The following CADPS variants were observed in gnomAD, a reference collection of about 807,000 sequenced individuals.
CADPS encodes the protein calcium dependent secretion activator.
Under a neutral mutation model 167.3 loss-of-function variants are expected in CADPS, and 57 were observed. The ratio of observed to expected loss-of-function variants is 0.34; its 90% CI spans 0.28 to 0.42. The LOEUF (loss-of-function observed/expected upper bound fraction) is 0.42, where lower values mean the gene tolerates loss of function less well. CADPS is among the 20% of genes least tolerant of loss of function. The probability of loss-of-function intolerance (pLI) is 1.00; values close to 1 mark genes in which losing one functional copy is unlikely to be tolerated. For missense variants in CADPS, 1,414 were observed against 1,738.1 expected (o/e 0.81, Z 3.32); for synonymous variants, 676 against 635.3 (o/e 1.06, Z -0.96).
Position 62,399,774 on chromosome 3 carries a change from A to C in CADPS, c.3883-189T>G, listed in dbSNP as rs1373610097. On this transcript the variant is annotated intron_variant, in intron 29 of 29. Coordinates refer to ENST00000383710, the MANE Select transcript of CADPS (RefSeq NM_003716.4). The surrounding 1 kb of genome is among the most constrained non-coding windows in gnomAD (Gnocchi z 5.6). Reference sequence around the variant, plus strand: ...AAAACTGAGATCCTTTGAATGACAGAAAATGAGAAATAGTGACAGGATAAA... The same window carrying C: ...AAAACTGAGATCCTTTGAATGACAGCAAATGAGAAATAGTGACAGGATAAA... 6.6e-6 allele frequency among the ~76,000 whole-genome samples: 1 copy of C among 152,236 alleles called. No homozygotes were observed. Among genetic ancestry groups the C allele is most frequent in the African/African-American group, 2.4e-5 (1 of 41,468 alleles).
At chr3:62,560,217 T>G (rs937161116) in intron 9 of CADPS, among the ~76,000 whole-genome samples, 1 of 152,200 alleles carries the variant, frequency 6.6e-6, no homozygotes, top group African/African-American at 2.4e-5. Context: ...ATTGGAAATT[T>G]TGGGGGGAAT....
chr3:62,447,717 C>A (rs1169051727), intron 26 of CADPS, among the ~76,000 whole-genome samples: 2 of 152,164 alleles, frequency 1.3e-5, no homozygotes, highest in Non-Finnish European at 2.9e-5. Flanking sequence ...TGACTGCCTG[C>A]AGAGGCTGGT....
At chr3:62,648,459 AT>A (rs1380849359) in intron 5 of CADPS, among the ~76,000 whole-genome samples, 2 of 152,026 alleles carry the variant, frequency 1.3e-5, no homozygotes, top group East Asian at 3.9e-4. Context: ...AGGTGGATAG[AT>A]GGCATGAGTC....
chr3:62,787,219 C>T (rs1349798884), intron 1 of CADPS, among the ~76,000 whole-genome samples: 1 of 152,038 alleles, frequency 6.6e-6, no homozygotes, highest in African/African-American at 2.4e-5. Flanking sequence ...CACTTGAGTC[C>T]AGGAGGCGGA....
At chr3:62,575,584 A>T (rs1162084042) in intron 8 of CADPS, among the ~76,000 whole-genome samples, 2 of 152,214 alleles carry the variant, frequency 1.3e-5, no homozygotes, top group Non-Finnish European at 2.9e-5. Flanking sequence ...CCTATTTTAC[A>T]GTTGAGGGAG....
At chr3:62,531,555 T>C (rs887958204) in intron 13 of CADPS, among the ~76,000 whole-genome samples, 7 of 152,334 alleles carry the variant, frequency 4.6e-5, no homozygotes, top group African/African-American at 1.7e-4. Flanking sequence ...AGATTTTAGT[T>C]GTATAGCTTG....
chr3:62,599,286 C>T (rs2059345161), intron 6 of CADPS, among the ~76,000 whole-genome samples: 1 of 151,596 alleles, frequency 6.6e-6, no homozygotes, highest in South Asian at 2.1e-4. Context: ...TGTACTCACA[C>T]TGTATGACTA....
chr3:62,528,166 A>G (rs1487657154), intron 13 of CADPS, among the ~76,000 whole-genome samples: 1 of 152,034 alleles, frequency 6.6e-6, no homozygotes, highest in East Asian at 1.9e-4. Flanking sequence ...CAGGTTTGCC[A>G]TCTCACACCA....
At chr3:62,436,621 T>C (rs2055115539) in intron 28 of CADPS, among the ~76,000 whole-genome samples, 1 of 152,240 alleles carries the variant, frequency 6.6e-6, no homozygotes, top group Non-Finnish European at 1.5e-5. Flanking sequence ...TGGTGAGCTT[T>C]ATGCATGTAT....
intron 1 of CADPS, among the ~76,000 whole-genome samples, chr3:62,819,407 C>CGTGTGTGTGTGTGTGTGT (rs3047244): frequency 6.9e-6 from 1 of 143,986 alleles, no homozygotes; most frequent in Non-Finnish European, 1.5e-5. Flanking sequence ...AATCTGTGTG[C>CGTGTGTGTGTGTGTGTGT]GTGTGTGTGT....
At chr3:62,536,401 A>C in intron 12 of CADPS, 44 bp downstream of exon 12, 1 of 1,554,892 alleles carries the variant, frequency 6.4e-7, no homozygotes, top group East Asian at 2.3e-5. Context: ...TAAATGAAAA[A>C]AAATGTTATG....
intron 1 of CADPS, among the ~76,000 whole-genome samples, chr3:62,845,815 C>T (rs979275453): frequency 1.3e-5 from 2 of 152,154 alleles, no homozygotes; most frequent in African/African-American, 4.8e-5. Context: ...CCCCATTTGA[C>T]ATGTGGCATG....
intron 3 of CADPS, among the ~76,000 whole-genome samples, chr3:62,723,186 G>A (rs1047425079): frequency 2.0e-5 from 3 of 152,188 alleles, no homozygotes; most frequent in African/African-American, 7.2e-5. Flanking sequence ...AAAGTACAGT[G>A]CCTTTAGCTA....
intron 26 of CADPS, among the ~76,000 whole-genome samples, chr3:62,457,851 C>T (rs948399556): frequency 9.2e-5 from 14 of 152,074 alleles, no homozygotes; most frequent in Non-Finnish European, 1.9e-4. Flanking sequence ...AACCAAACAC[C>T]GCGTTTTCTC....
chr3:62,840,849 A>T (rs2076554593), intron 1 of CADPS, among the ~76,000 whole-genome samples: 1 of 152,206 alleles, frequency 6.6e-6, no homozygotes, highest in African/African-American at 2.4e-5. Flanking sequence ...TTTGGGTCCC[A>T]AATGATACAG....
chr3:62,617,277 G>A (rs2062465555), intron 6 of CADPS, among the ~76,000 whole-genome samples: 2 of 152,270 alleles, frequency 1.3e-5, no homozygotes, highest in African/African-American at 4.8e-5. Flanking sequence ...GAACGAGATT[G>A]ATGTGGTAGC....
At chr3:62,725,195 T>A (rs2076518548) in intron 3 of CADPS, among the ~76,000 whole-genome samples, 1 of 152,184 alleles carries the variant, frequency 6.6e-6, no homozygotes. Flanking sequence ...TCTCGAATGA[T>A]GGGAATAGTC....
At chr3:62,779,470 C>A in intron 1 of CADPS, 1 of 535,272 alleles carries the variant, frequency 1.9e-6, no homozygotes, top group South Asian at 1.4e-5. Context: ...TTAAAATGAT[C>A]AAAATCTGCC....
intron 1 of CADPS, among the ~76,000 whole-genome samples, chr3:62,864,373 A>G (rs1025335285): frequency 1.9e-4 from 29 of 152,212 alleles, no homozygotes; most frequent in African/African-American, 7.0e-4. Context: ...GGACAGAAGA[A>G]GAGGGCTGTC....
Sources: allele counts gnomAD v4.1 joint callset (sites outside exome capture counted in the v4.1 genomes callset), GRCh38; gene constraint gnomAD v4.1.1; non-coding constraint Gnocchi (gnomAD v3.1); transcripts MANE v1.5; gene names NCBI Gene and HGNC (gene_info 2026-07-23, HGNC 2026-07-21).